Variants in SAMD12 observed in about 807,000 individuals in gnomAD.
SAMD12 encodes sterile alpha motif domain-containing protein 12.
In SAMD12, 9 loss-of-function variants were observed where a neutral mutation model predicts 15.0. The ratio of observed to expected loss-of-function variants is 0.60; its 90% CI spans 0.36 to 1.05. The LOEUF (loss-of-function observed/expected upper bound fraction) is 1.05, where lower values mean the gene tolerates loss of function less well. Among genes scored for constraint, SAMD12 ranks in the 50% least tolerant of loss-of-function variants. The probability of loss-of-function intolerance (pLI) is 0.01; values close to 1 mark genes in which losing one functional copy is unlikely to be tolerated. For missense variants in SAMD12, 230 were observed against 234.2 expected, an observed-to-expected ratio of 0.98 and a Z score of 0.12; for synonymous variants, 86 against 90.1, an observed-to-expected ratio of 0.96 and a Z score of 0.25.
intron 2 of SAMD12, among the ~76,000 whole-genome samples, chr8:118,508,966 A>G (rs1237251448): frequency 6.6e-6 from 1 of 152,198 alleles, no homozygotes; most frequent in Non-Finnish European, 1.5e-5. Context: ...TTTGCTCTAT[A>G]ATAACATTTC....
intron 2 of SAMD12, among the ~76,000 whole-genome samples, chr8:118,507,793 G>A (rs1032066289): frequency 1.3e-5 from 2 of 151,994 alleles, no homozygotes; most frequent in African/African-American, 4.8e-5. Flanking sequence ...GAAGAGTGAT[G>A]CCGACTTTTT....
chr8:118,352,650 G>C (rs530954025), intron 4 of SAMD12, among the ~76,000 whole-genome samples: 9 of 152,262 alleles, frequency 5.9e-5, no homozygotes, highest in Non-Finnish European at 1.2e-4. Context: ...AACTAACCGT[G>C]TTTGAGAAAA....
intron 1 of SAMD12, among the ~76,000 whole-genome samples, chr8:118,589,915 C>A (rs1209152641): frequency 6.6e-6 from 1 of 152,130 alleles, no homozygotes; most frequent in African/African-American, 2.4e-5. Context: ...TTTCTCCATT[C>A]ATCCCACTTA....
intron 4 of SAMD12, chr8:118,282,199 A>G: frequency 2.3e-6 from 1 of 428,094 alleles, no homozygotes; most frequent in Non-Finnish European, 4.6e-6. Flanking sequence ...TCTTTTCTTC[A>G]GAGGGGAAAT....
At chr8:118,235,961 G>A (rs1375148019) in intron 4 of SAMD12, among the ~76,000 whole-genome samples, 1 of 152,152 alleles carries the variant, frequency 6.6e-6, no homozygotes, top group East Asian at 1.9e-4. Context: ...TCTCTGCCAC[G>A]GACTATGTGA....
At chr8:118,209,592 G>A (rs768212068) in intron 4 of SAMD12, among the ~76,000 whole-genome samples, 1 of 152,146 alleles carries the variant, frequency 6.6e-6, no homozygotes, top group Non-Finnish European at 1.5e-5. Flanking sequence ...GTGATTAATT[G>A]CTTGAACTGG....
chr8:118,373,176 A>G (rs1229545662), downstream of SAMD12, among the ~76,000 whole-genome samples: 1 of 152,190 alleles, frequency 6.6e-6, no homozygotes, highest in Non-Finnish European at 1.5e-5. Flanking sequence ...CTTAATAAAA[A>G]CAATGAGATA....
chr8:118,357,803 CTCT>C (rs1358149463), intron 4 of SAMD12, among the ~76,000 whole-genome samples: 1 of 152,176 alleles, frequency 6.6e-6, no homozygotes, highest in Non-Finnish European at 1.5e-5. Flanking sequence ...ACATGACTCT[CTCT>C]TGGGCTCTGT....
chr8:118,137,535 T>C, the SAMD12 span, among the ~76,000 whole-genome samples: 1 of 152,180 alleles, frequency 6.6e-6, no homozygotes, highest in African/African-American at 2.4e-5. Context: ...TTCTCCTGCC[T>C]CACTTCCTCC....
At chr8:118,604,976 T>A (rs1159224602) in intron 1 of SAMD12, among the ~76,000 whole-genome samples, 1 of 151,342 alleles carries the variant, frequency 6.6e-6, no homozygotes, top group East Asian at 1.9e-4. Context: ...AATAATCAAG[T>A]AAAAGTAATG....
chr8:118,177,231 C>G, the SAMD12 span, among the ~76,000 whole-genome samples: 1 of 141,754 alleles, frequency 7.1e-6, no homozygotes, highest in Non-Finnish European at 1.5e-5. Flanking sequence ...AAGGGGAAGC[C>G]ACAGAGAATT....
At chr8:118,157,794 AAC>A in the SAMD12 span, among the ~76,000 whole-genome samples, 7 of 152,250 alleles carry the variant, frequency 4.6e-5, no homozygotes, top group Non-Finnish European at 1.0e-4. Flanking sequence ...AAAATAGAAT[AAC>A]AGAGACTGAG....
intron 2 of SAMD12, among the ~76,000 whole-genome samples, chr8:118,528,563 A>AT (rs1825597357): frequency 6.6e-6 from 1 of 152,098 alleles, no homozygotes; most frequent in Admixed American, 6.5e-5. Context: ...ATACATGTAT[A>AT]TTTTTTCTGG....
chr8:118,157,221 A>G, the SAMD12 span, among the ~76,000 whole-genome samples: 1 of 152,210 alleles, frequency 6.6e-6, no homozygotes, highest in African/African-American at 2.4e-5. Flanking sequence ...CTTGCCATGA[A>G]GTACATGGCT....
the SAMD12 span, among the ~76,000 whole-genome samples, chr8:118,184,326 C>T: frequency 1.1e-3 from 161 of 152,146 alleles, no homozygotes; most frequent in Non-Finnish European, 1.8e-3. Flanking sequence ...CCTGACCAAA[C>T]GGGAATTAGG....
At chr8:118,165,989 G>A in the SAMD12 span, among the ~76,000 whole-genome samples, 1 of 151,974 alleles carries the variant, frequency 6.6e-6, no homozygotes, top group Non-Finnish European at 1.5e-5. Context: ...TCTGATTTCA[G>A]TTCCGTGCAA....
chr8:118,210,867 C>T (rs1304934132), intron 4 of SAMD12, among the ~76,000 whole-genome samples: 1 of 152,188 alleles, frequency 6.6e-6, no homozygotes, highest in Admixed American at 6.5e-5. Context: ...CTGCTCTGAA[C>T]CTCCACATGA....
At chr8:118,291,774 G>C (rs540266970) in intron 4 of SAMD12, among the ~76,000 whole-genome samples, 1 of 151,508 alleles carries the variant, frequency 6.6e-6, no homozygotes, top group African/African-American at 2.4e-5. Context: ...GAAGCCACAA[G>C]CTGCTTCCTG....
intron 2 of SAMD12, among the ~76,000 whole-genome samples, chr8:118,452,475 G>GA (rs1303715878): frequency 6.6e-6 from 1 of 152,060 alleles, no homozygotes; most frequent in Non-Finnish European, 1.5e-5. Flanking sequence ...CATACAATTA[G>GA]AAAAAATTTT....
Sources: gnomAD v4.1 joint callset for allele counts (sites outside exome capture counted in the v4.1 genomes callset) on GRCh38, gnomAD v4.1.1 for gene constraint, MANE v1.5 for transcripts, NCBI Gene and HGNC (gene_info 2026-07-23, HGNC 2026-07-21) for gene names.